Variants in TM6SF1 observed in about 807,000 individuals in gnomAD.
The protein encoded by TM6SF1 is transmembrane 6 superfamily member 1.
TM6SF1 carries 43 observed loss-of-function variants against 47.1 expected under a neutral mutation model. The ratio of observed to expected loss-of-function variants is 0.91; its 90% CI spans 0.72 to 1.18. The LOEUF (loss-of-function observed/expected upper bound fraction) is 1.18. Among genes scored for constraint, TM6SF1 ranks in the 50% most tolerant of loss-of-function variants. The pLI is 0.00. For missense variants in TM6SF1, 390 were observed against 449.0 expected (o/e 0.87, Z 1.19); for synonymous variants, 177 against 166.3 (o/e 1.06, Z -0.49).
Position 83,107,651 on chromosome 15 carries a change from C to A in TM6SF1, c.-30C>A, listed in dbSNP as rs1162873723. ...CTGGGGCGGGGCGCCCAGCGGGATG[C>A]GGTGAAGGGCGAGCGGCGCGGCGGC... On this transcript the variant is annotated 5_prime_UTR_variant, in exon 1 of 10. Transcript: ENST00000322019. This position sits in a 1 kb window ranked among gnomAD's most constrained non-coding sequence, Gnocchi z 5.6. 3 of 1,489,152 alleles carry A rather than the reference C, an allele frequency of 2.0e-6. No individual in the cohort carries two copies. Among genetic ancestry groups the A allele is most frequent in the South Asian group, 1.3e-5 (1 of 74,762 alleles). 92.2% of individuals were successfully genotyped at this position (1,489,152 alleles called of 1,614,324 possible).
intron 9 of TM6SF1, chr15:83,133,699 T>C (rs1041230256): frequency 7.2e-5 from 11 of 152,246 alleles, no homozygotes; most frequent in Admixed American, 5.2e-4. Context: ...GGCTGAGCTC[T>C]TCAGGTCCTG....
chr15:83,122,414 GAT>G (rs1179734042), intron 5 of TM6SF1, among the ~76,000 whole-genome samples: 1 of 152,044 alleles, frequency 6.6e-6, no homozygotes, highest in African/African-American at 2.4e-5. Flanking sequence ...TAGATAGATA[GAT>G]ATAGATATAG....
chr15:83,124,030 T>G (rs2035505937), intron 6 of TM6SF1, among the ~76,000 whole-genome samples: 1 of 152,182 alleles, frequency 6.6e-6, no homozygotes, highest in African/African-American at 2.4e-5. Context: ...CACCAAAGAT[T>G]TACAAAGTTG....
chr15:83,124,715 T>G lies in TM6SF1; in HGVS notation c.647T>G (p.Phe216Cys). 6.2e-7 allele frequency: 1 copy of G among 1,614,172 alleles called. No homozygotes were observed. The highest frequency in any genetic ancestry group is 2.2e-5 in the East Asian group (1 of 44,874). Reference sequence around the variant, plus strand: ...GCGAAAGACCTGCTGAGAAGACCATTTGATTTAATGTTGGTTGTGTGTCTC... The same window carrying G: ...GCGAAAGACCTGCTGAGAAGACCATGTGATTTAATGTTGGTTGTGTGTCTC... Reference protein sequence around the residue: ...AQAKDLLRRPFDLMLVVCLLL... With the variant: ...AQAKDLLRRPCDLMLVVCLLL... Residue 216 changes from phenylalanine (F) to cysteine (C), a missense_variant, in exon 7 of 10, where the codon TTT becomes TGT. Physicochemically the swap from Phe to Cys is radical, Grantham distance 205 (BLOSUM62 -2). Transcript: ENST00000322019.
Position 83,107,729 on chromosome 15 carries a change from A to G in TM6SF1, c.49A>G (p.Ile17Val), listed in dbSNP as rs1281423903. ...TGVFVLSLSA[I>V]PVTYVFNHLA... ...GGTCTTCGTGCTGTCCCTCTCGGCCATCCCGGTCACCTATGTCTTCAACCA... is the reference window on the plus strand; with the variant it reads ...GGTCTTCGTGCTGTCCCTCTCGGCCGTCCCGGTCACCTATGTCTTCAACCA... The change falls in exon 1 of 10, where the codon ATC becomes GTC. Residue 17 changes from isoleucine to valine, a missense_variant. By Grantham distance (29) the Ile-to-Val change is conservative. Coordinates refer to ENST00000322019, the MANE Select transcript of TM6SF1 (RefSeq NM_023003.5). This position sits in a 1 kb window ranked among gnomAD's most constrained non-coding sequence, Gnocchi z 5.6. The G allele has an allele frequency of 6.3e-7, 1 of 1,584,068 alleles. No homozygotes were observed. The highest frequency in any genetic ancestry group is 1.8e-5 in the Admixed American group (1 of 56,768).
chr15:83,125,697 G>A (rs980280077), intron 7 of TM6SF1, among the ~76,000 whole-genome samples: 4 of 152,166 alleles, frequency 2.6e-5, no homozygotes, highest in Admixed American at 6.5e-5. Context: ...ATTTCTATTC[G>A]AAGCCTGTTG....
At chr15:83,111,620 G>A (rs1339572391) in intron 1 of TM6SF1, 1 of 985,308 alleles carries the variant, frequency 1.0e-6, no homozygotes, top group Non-Finnish European at 1.2e-6. Context: ...GGGCTGTGGT[G>A]GTGTGGAGGG....
At chr15:83,111,018 C>T (rs2034101219) in intron 1 of TM6SF1, among the ~76,000 whole-genome samples, 1 of 152,104 alleles carries the variant, frequency 6.6e-6, no homozygotes, top group African/African-American at 2.4e-5. Flanking sequence ...TTACAGGCAT[C>T]CGCCACCTCG....
chr15:83,126,656 A>T, intron 7 of TM6SF1, 99 bp from the exon 8 acceptor site: 2 of 937,684 alleles, frequency 2.1e-6, no homozygotes, highest in Non-Finnish European at 3.3e-6. Flanking sequence ...GTTAAACAGC[A>T]AAGCAGCTTG....
rs148064311 is a variant in TM6SF1, at chr15:83,123,874, G to C, written c.604-798G>C. Among the ~76,000 whole-genome samples the C allele has an allele frequency of 7.2e-5, 11 of 152,342 alleles. No individual in the cohort carries two copies. In the East Asian group the frequency reaches 2.1e-3, roughly 29 times the overall value. The stretch of plus-strand genomic sequence containing the variant: ...AAAACACAGTGACAGCCAGGGCCAA[G>C]CAGGCATTGTCATACAGTGCTGACA... On this transcript the variant is annotated intron_variant, in intron 6 of 9. Transcript: ENST00000322019.
chr15:83,127,814 G>T (rs927746988), intron 9 of TM6SF1: 3 of 268,422 alleles, frequency 1.1e-5, no homozygotes, highest in Admixed American at 5.8e-5. Context: ...TACTAAAAAA[G>T]GATTGAGAGC....
intron 9 of TM6SF1, chr15:83,131,751 G>T (rs1351933554): frequency 6.6e-6 from 1 of 152,144 alleles, no homozygotes; most frequent in Non-Finnish European, 1.5e-5. Flanking sequence ...AAAGAAGATT[G>T]AATAAAATGA....
At chr15:83,133,943 T>C (rs2036439475) in intron 9 of TM6SF1, 3 of 152,242 alleles carry the variant, frequency 2.0e-5, no homozygotes, top group Non-Finnish European at 4.4e-5. Context: ...TACTGGGAGC[T>C]GCACACCACT....
intron 4 of TM6SF1, among the ~76,000 whole-genome samples, chr15:83,121,378 G>A (rs749545666): frequency 2.6e-5 from 4 of 151,962 alleles, no homozygotes; most frequent in Non-Finnish European, 4.4e-5. Context: ...CACCATGCTC[G>A]GCCTGAAGGA....
chr15:83,122,350 A>G (rs752473285), intron 5 of TM6SF1, among the ~76,000 whole-genome samples: 2 of 152,206 alleles, frequency 1.3e-5, no homozygotes, highest in Non-Finnish European at 2.9e-5. Flanking sequence ...GTACTTGGAA[A>G]TTACAAGTAC....
At chr15:83,125,001 C>G (rs1567147789) in intron 7 of TM6SF1, among the ~76,000 whole-genome samples, 1 of 152,176 alleles carries the variant, frequency 6.6e-6, no homozygotes, top group Non-Finnish European at 1.5e-5. Context: ...TACTCAGAAG[C>G]ATCTTCCTCC....
chr15:83,115,790 G>C, intron 2 of TM6SF1, 55 bp from the exon 3 acceptor site: 1 of 1,144,492 alleles, frequency 8.7e-7, no homozygotes, highest in Non-Finnish European at 1.3e-6. Context: ...TGCCAAGCTT[G>C]TAGTAATTGT....
rs1483541825 is a variant in TM6SF1, at chr15:83,136,873, T to C, written c.*201T>C. ...GGAAATTCTTGAGAAACAGTTTGTT[T>C]AAAGAAATATATTCAAAATCATTTG... On this transcript the variant is annotated 3_prime_UTR_variant, in exon 10 of 10. Coordinates refer to ENST00000322019, the MANE Select transcript of TM6SF1 (RefSeq NM_023003.5). 1 of 391,058 alleles carries C rather than the reference T, an allele frequency of 2.6e-6. No individual in the cohort carries two copies. Among genetic ancestry groups the C allele is most frequent in the African/African-American group, 2.1e-5 (1 of 48,534 alleles). 24.2% of individuals were successfully genotyped at this position (391,058 alleles called of 1,614,324 possible). A position where few individuals can be genotyped will look rare whatever the true frequency, so the allele number is the denominator to read the frequency against.
intron 9 of TM6SF1, chr15:83,128,165 A>G (rs2035939377): frequency 6.6e-6 from 1 of 152,274 alleles, no homozygotes; most frequent in Non-Finnish European, 1.5e-5. Context: ...CATTAGCTTC[A>G]TCTTGTTCTT....
Sources: allele counts gnomAD v4.1 joint callset (sites outside exome capture counted in the v4.1 genomes callset), GRCh38; gene constraint gnomAD v4.1.1; non-coding constraint Gnocchi (gnomAD v3.1); transcripts MANE v1.5; gene names NCBI Gene and HGNC (gene_info 2026-07-23, HGNC 2026-07-21).